Variants in SH3BP2 observed in about 807,000 individuals in gnomAD.
The protein encoded by SH3BP2 is SH3 domain-binding protein 2.
SH3BP2 carries 38 observed loss-of-function variants against 56.2 expected under a neutral mutation model. The observed-to-expected ratio is 0.68, with a 90% CI of 0.52 to 0.89. The LOEUF (loss-of-function observed/expected upper bound fraction) is 0.89, where lower values mean the gene tolerates loss of function less well. Ranked by LOEUF, SH3BP2 falls within the 40% of genes least tolerant of loss-of-function variation. The pLI, the probability that SH3BP2 is intolerant of heterozygous loss-of-function variation, is 0.00. For missense variants in SH3BP2, 748 were observed against 762.6 expected (o/e 0.98, Z 0.23); for synonymous variants, 346 against 316.7 (o/e 1.09, Z -0.98).
At chr4:2,823,478 C>T (rs747327896) in intron 3 of SH3BP2, 28 of 457,596 alleles carry the variant, frequency 6.1e-5, no homozygotes, top group African/African-American at 1.0e-4. Flanking sequence ...CCTCCCAGGC[C>T]GGGATCAGTT....
At position 2,833,689 on chromosome 4, in the gene SH3BP2, C is replaced by G. The variant is rs1299225804; in HGVS notation, c.1549-8C>G. 6.2e-7 allele frequency: 1 copy of G among 1,609,168 alleles called. No individual in the cohort carries two copies. The highest frequency in any genetic ancestry group is 8.5e-7 in the Non-Finnish European group (1 of 1,177,950). ...CCTGCTGACGCTCCCCCTTCTCTTCCCCCACAGGACTCTAAGTTCTACCTG... is the reference window on the plus strand; with the variant it reads ...CCTGCTGACGCTCCCCCTTCTCTTCGCCCACAGGACTCTAAGTTCTACCTG... On this transcript the variant is annotated splice_polypyrimidine_tract_variant and splice_region_variant and intron_variant, in intron 12 of 12. Transcript: ENST00000503393.
chr4:2,827,011 G>C (rs574152582), intron 5 of SH3BP2: 3 of 677,944 alleles, frequency 4.4e-6, no homozygotes, highest in Non-Finnish European at 8.1e-6. Flanking sequence ...GTCTGTCAGC[G>C]TATCCATGTG....
chr4:2,818,462 C>T, intron 1 of SH3BP2: 2 of 878,158 alleles, frequency 2.3e-6, no homozygotes, highest in Non-Finnish European at 2.9e-6. Context: ...CCCCGCACCC[C>T]GAGCCCCTGG....
intron 1 of SH3BP2, among the ~76,000 whole-genome samples, chr4:2,816,434 C>G (rs1376054585): frequency 2.0e-5 from 3 of 152,164 alleles, no homozygotes; most frequent in Non-Finnish European, 4.4e-5. Context: ...TTCTGGATAC[C>G]TTTTATTTCT....
intron 1 of SH3BP2, among the ~76,000 whole-genome samples, chr4:2,795,182 C>T (rs931844981): frequency 6.6e-5 from 10 of 152,108 alleles, no homozygotes; most frequent in Non-Finnish European, 1.0e-4. Context: ...TCCTCAGGGC[C>T]GCTGTATGTC....
chr4:2,840,815 T>TATTGAGAAA lies in SH3BP2; in HGVS notation c.*6987_*6988insAAAATTGAG, dbSNP rs1219109478. 1 of 152,212 alleles carries TATTGAGAAA rather than the reference T, an allele frequency of 6.6e-6. No individual in the cohort carries two copies. The highest frequency in any genetic ancestry group is 1.5e-5 in the Non-Finnish European group (1 of 68,040). 9.4% of individuals were successfully genotyped at this position (152,212 alleles called of 1,614,324 possible). A position where few individuals can be genotyped will look rare whatever the true frequency, so the allele number is the denominator to read the frequency against. On this transcript the variant is annotated 3_prime_UTR_variant, in exon 13 of 13. Coordinates refer to ENST00000503393, the MANE Select transcript of SH3BP2 (RefSeq NM_001122681.2). The stretch of plus-strand genomic sequence containing the variant: ...TTTGGGAAAATTGACGTCTTTACAA[T>TATTGAGAAA]ATTGAGTTTTCTGATTCATGAACAT...
In SH3BP2 at chr4:2,832,346, A is replaced by G; in HGVS notation, c.1422A>G (p.Thr474=). Residue 474 remains threonine, a synonymous_variant, in exon 11 of 13, where the codon ACA becomes ACG. Transcript: ENST00000503393. ...CTTATTTTAGGTTGTTCAAGGCTAC[A>G]AGCCCCCGGGGAGAGCCCCAGGATG... The part of the protein sequence containing the change: ...SCEVERLFKA[T]SPRGEPQDGL... 2 of 1,614,036 alleles carry G rather than the reference A, an allele frequency of 1.2e-6. No individual in the cohort carries two copies. Among genetic ancestry groups the G allele is most frequent in the Non-Finnish European group, 1.7e-6 (2 of 1,179,908 alleles).
chr4:2,825,082 C>T (rs1405294525), intron 4 of SH3BP2, 44 bp from the exon 5 acceptor site: 3 of 1,524,688 alleles, frequency 2.0e-6, no homozygotes, highest in Non-Finnish European at 2.7e-6. Context: ...CGGTGGGGCC[C>T]ACCCTGGTGG....
rs942598281 is a variant in SH3BP2, at chr4:2,837,773, C to G, written c.*3939C>G. On this transcript the variant is annotated 3_prime_UTR_variant, in exon 13 of 13. Coordinates refer to ENST00000503393, the MANE Select transcript of SH3BP2 (RefSeq NM_001122681.2). Reference sequence around the variant, plus strand: ...CCCCTGCCTTATCTCTGCCTGCACGCCCTGTTCCCTCCACCTAGACTGCCT... The same window carrying G: ...CCCCTGCCTTATCTCTGCCTGCACGGCCTGTTCCCTCCACCTAGACTGCCT... 5.2e-5 allele frequency: 8 copies of G among 152,490 alleles called. No homozygotes were observed. Among genetic ancestry groups the G allele is most frequent in the African/African-American group, 1.9e-4 (8 of 41,452 alleles). The allele number at this position is 152,490 out of a possible 1,614,324, so 9.4% of individuals were successfully genotyped here. A position where few individuals can be genotyped will look rare whatever the true frequency, so the allele number is the denominator to read the frequency against.
At chr4:2,794,937 G>A (rs1030240644) in intron 1 of SH3BP2, among the ~76,000 whole-genome samples, 2 of 152,160 alleles carry the variant, frequency 1.3e-5, no homozygotes, top group Non-Finnish European at 1.5e-5. Context: ...GGGAGGAAGG[G>A]CGCAAACTCA....
intron 2 of SH3BP2, among the ~76,000 whole-genome samples, chr4:2,822,328 G>C (rs904986465): frequency 2.6e-5 from 4 of 152,086 alleles, no homozygotes; most frequent in African/African-American, 7.2e-5. Context: ...GCTAAGTTTT[G>C]TATTTTTTGT....
intron 1 of SH3BP2, among the ~76,000 whole-genome samples, chr4:2,820,391 T>G (rs1389571883): frequency 3.3e-5 from 5 of 152,152 alleles, no homozygotes; most frequent in African/African-American, 1.2e-4. Context: ...GTTGGGTTTG[T>G]GGCTGAGTGG....
At chr4:2,797,194 G>A (rs527959430) in intron 1 of SH3BP2, among the ~76,000 whole-genome samples, 3 of 152,144 alleles carry the variant, frequency 2.0e-5, no homozygotes, top group East Asian at 3.8e-4. Context: ...GCATAGGGGT[G>A]GGCCCTTGCT....
chr4:2,812,141 G>T, intron 1 of SH3BP2: 1 of 1,402,946 alleles, frequency 7.1e-7, no homozygotes, highest in Admixed American at 2.9e-5. Flanking sequence ...GTTAAAACCC[G>T]GATGGTGGAT....
chr4:2,814,435 G>A (rs1259616610), intron 1 of SH3BP2, among the ~76,000 whole-genome samples: 1 of 152,172 alleles, frequency 6.6e-6, no homozygotes, highest in African/African-American at 2.4e-5. Flanking sequence ...GTAGGGAGAT[G>A]AGCACAGAAA....
Position 2,836,344 on chromosome 4 carries a change from A to G in SH3BP2, c.*2510A>G, listed in dbSNP as rs74805026. 0.015 allele frequency: 2,218 copies of G among 152,368 alleles called. 28 individuals are homozygous for G. Among genetic ancestry groups the G allele is most frequent in the Non-Finnish European group, 0.023 (1,566 of 68,066 alleles). 9.4% of individuals were successfully genotyped at this position (152,368 alleles called of 1,614,324 possible). A position where few individuals can be genotyped will look rare whatever the true frequency, so the allele number is the denominator to read the frequency against. On this transcript the variant is annotated 3_prime_UTR_variant, in exon 13 of 13. Coordinates refer to ENST00000503393, the MANE Select transcript of SH3BP2 (RefSeq NM_001122681.2). Reference sequence around the variant, plus strand: ...TTCCCATGACCTCCCGAGACTTGCCATAAGTGTTCTAGTCCACATATAAGG... The same window carrying G: ...TTCCCATGACCTCCCGAGACTTGCCGTAAGTGTTCTAGTCCACATATAAGG...
intron 2 of SH3BP2, among the ~76,000 whole-genome samples, chr4:2,821,834 C>T (rs145039818): frequency 4.9e-4 from 74 of 152,176 alleles, no homozygotes; most frequent in South Asian, 4.2e-3. Context: ...TGTGAGCCAC[C>T]GCATCCAGCC....
intron 2 of SH3BP2, among the ~76,000 whole-genome samples, chr4:2,822,546 C>G (rs1168298258): frequency 6.6e-6 from 1 of 152,194 alleles, no homozygotes; most frequent in East Asian, 1.9e-4. Flanking sequence ...TAGTCCCCCT[C>G]TTTTAGCTCT....
rs2108743791 is a variant in SH3BP2, at chr4:2,833,786, C to T, written c.1638C>T (p.His546=). 1 of 1,597,294 alleles carries T rather than the reference C, an allele frequency of 6.3e-7. No homozygotes were observed. Among genetic ancestry groups the T allele is most frequent in the East Asian group, 2.3e-5 (1 of 44,032 alleles). Residue 546 remains histidine, a synonymous_variant, in exon 13 of 13, where the codon CAC becomes CAT. Transcript: ENST00000503393. ...EHYHTHVLPS[H]QSLLLRHPYG... ...ACCACACCCACGTGCTGCCCAGCCACCAGAGCCTGCTGCTGCGGCACCCCT... is the reference window on the plus strand; with the variant it reads ...ACCACACCCACGTGCTGCCCAGCCATCAGAGCCTGCTGCTGCGGCACCCCT...
Sources: allele counts gnomAD v4.1 joint callset (sites outside exome capture counted in the v4.1 genomes callset), GRCh38; gene constraint gnomAD v4.1.1; transcripts MANE v1.5; gene names NCBI Gene and HGNC (gene_info 2026-07-23, HGNC 2026-07-21).